XIAP: variants seen among roughly 807,000 people sequenced by gnomAD.
XIAP encodes the protein E3 ubiquitin-protein ligase XIAP.
A neutral mutation model predicts 33.1 loss-of-function variants in XIAP; 3 were observed. The ratio of observed to expected loss-of-function variants is 0.09; its 90% CI spans 0.04 to 0.23. The LOEUF (loss-of-function observed/expected upper bound fraction) is 0.23. XIAP is among the 10% of genes least tolerant of loss of function. The probability of loss-of-function intolerance (pLI) is 1.00; values close to 1 mark genes in which losing one functional copy is unlikely to be tolerated. For synonymous variants in XIAP, 98 were observed against 121.3 expected (o/e 0.81, Z 1.26); for missense variants, 264 against 363.0 (o/e 0.73, Z 2.22).
Position 123,910,237 on chromosome X carries a change from T to C in XIAP, c.*3056T>C, listed in dbSNP as rs762740109. On this transcript the variant is annotated 3_prime_UTR_variant, in exon 7 of 7. Coordinates refer to ENST00000371199, the MANE Select transcript of XIAP (RefSeq NM_001167.4). The stretch of plus-strand genomic sequence containing the variant: ...GCCTTTCCTGCTACATTTGGTTTTT[T>C]CCCCTGTCCCTTTGATTACGGGCTA... The C allele has an allele frequency of 3.0e-6, 1 of 329,800 alleles. No individual in the cohort carries two copies. Among genetic ancestry groups the C allele is most frequent in the South Asian group, 2.6e-5 (1 of 38,474 alleles). 27.2% of individuals were successfully genotyped at this position (329,800 alleles called of 1,213,427 possible). A position where few individuals can be genotyped will look rare whatever the true frequency, so the allele number is the denominator to read the frequency against.
chrX:123,859,966 C>T (rs978079678), upstream of XIAP: 3 of 286,048 alleles, frequency 1.0e-5, no homozygotes, highest in African/African-American at 8.2e-5. Context: ...GGAGGCTGAC[C>T]TCCCGGCCGG....
At position 123,911,350 on chromosome X, in the gene XIAP, G is replaced by T. The variant is rs1402919522; in HGVS notation, c.*4169G>T. ...AAATTAGCTGGGCGTGGTGGCTCAT[G>T]CCTGTAATCCCAGCTACTTGGGAGG... On this transcript the variant is annotated 3_prime_UTR_variant, in exon 7 of 7. Coordinates refer to ENST00000371199, the MANE Select transcript of XIAP (RefSeq NM_001167.4). The T allele has an allele frequency of 7.1e-6, 2 of 283,654 alleles. No individual in the cohort carries two copies. Among genetic ancestry groups the T allele is most frequent in the Non-Finnish European group, 1.3e-5 (2 of 150,814 alleles). The allele number at this position is 283,654 out of a possible 1,213,427, so 23.4% of individuals were successfully genotyped here.
intron 1 of XIAP, among the ~76,000 whole-genome samples, chrX:123,862,856 GAAA>G (rs111374988): frequency 1.0e-5 from 1 of 97,944 alleles, no homozygotes; most frequent in Non-Finnish European, 2.1e-5. Context: ...CCTTTGTCCC[GAAA>G]AAAAAAAAAA....
Position 123,908,790 on chromosome X carries a change from A to C in XIAP, c.*1609A>C, listed in dbSNP as rs771369226. The C allele has an allele frequency of 2.6e-5, 9 of 349,487 alleles. No individual in the cohort carries two copies. Among genetic ancestry groups the C allele is most frequent in the South Asian group, 2.4e-4 (9 of 37,635 alleles). 28.8% of individuals were successfully genotyped at this position (349,487 alleles called of 1,213,427 possible). ...CTTGAATAAGAATCAGTAGGGTATAAACTAGAAGTTTAAAAATGCTTCATA... is the reference window on the plus strand; with the variant it reads ...CTTGAATAAGAATCAGTAGGGTATACACTAGAAGTTTAAAAATGCTTCATA... On this transcript the variant is annotated 3_prime_UTR_variant, in exon 7 of 7. Coordinates refer to ENST00000371199, the MANE Select transcript of XIAP (RefSeq NM_001167.4).
Position 123,909,610 on chromosome X carries a change from G to A in XIAP, c.*2429G>A. 3.0e-6 allele frequency: 1 copy of A among 328,982 alleles called. No individual in the cohort carries two copies. Among genetic ancestry groups the A allele is most frequent in the Non-Finnish European group, 5.9e-6 (1 of 169,962 alleles). 27.1% of individuals were successfully genotyped at this position (328,982 alleles called of 1,213,427 possible). A position where few individuals can be genotyped will look rare whatever the true frequency, so the allele number is the denominator to read the frequency against. ...TCTAGTTGTTAGCCAAGGACTCAAG[G>A]ACTGAATTGTTTTAACATAAGGCTT... On this transcript the variant is annotated 3_prime_UTR_variant, in exon 7 of 7. Transcript: ENST00000371199.
intron 5 of XIAP, among the ~76,000 whole-genome samples, chrX:123,898,872 G>A (rs1464207616): frequency 9.5e-6 from 1 of 104,740 alleles, no homozygotes; most frequent in Non-Finnish European, 1.9e-5. Flanking sequence ...TGTAATCCCA[G>A]CACTTTGGGA....
chrX:123,861,734 T>TGC (rs201987395), intron 1 of XIAP, among the ~76,000 whole-genome samples: 1 of 86,030 alleles, frequency 1.2e-5, no homozygotes, highest in African/African-American at 4.7e-5. Context: ...CAATGGTATG[T>TGC]ACACATTTAT....
At chrX:123,891,823 TAAAAA>T (rs11325824) in intron 4 of XIAP, among the ~76,000 whole-genome samples, 2 of 76,497 alleles carry the variant, frequency 2.6e-5, no homozygotes, top group Non-Finnish European at 4.8e-5. Flanking sequence ...CCCTATCTCT[TAAAAA>T]AAAAAAAAAA....
intron 5 of XIAP, among the ~76,000 whole-genome samples, chrX:123,899,251 A>G (rs1481684646): frequency 1.1e-5 from 1 of 92,216 alleles, no homozygotes; most frequent in Non-Finnish European, 2.1e-5. Flanking sequence ...GTATATATAT[A>G]TGATTTTGTA....
At chrX:123,906,886 T>G in intron 6 of XIAP, 102 bp from the exon 7 acceptor site, 1 of 977,715 alleles carries the variant, frequency 1.0e-6, no homozygotes, top group Non-Finnish European at 1.4e-6. Flanking sequence ...TCCCGGCACT[T>G]GTTGGGTGCT....
Position 123,912,348 on chromosome X carries a change from CAAA to C in XIAP, c.*5178_*5180del, listed in dbSNP as rs60841987. On this transcript the variant is annotated 3_prime_UTR_variant, in exon 7 of 7. Transcript: ENST00000371199. ...TAGCATTAAGGTTGGTGCAAAAATG[CAAA>C]AAAAAAAAAAGCAATTATTTTTAAA... is the stretch of plus-strand genomic sequence containing the variant. 23 of 278,921 alleles carry C rather than the reference CAAA, an allele frequency of 8.2e-5. No individual in the cohort carries two copies. The highest frequency in any genetic ancestry group is 2.3e-4 in the Admixed American group (6 of 25,775). The allele number at this position is 278,921 out of a possible 1,213,427, so 23.0% of individuals were successfully genotyped here. A position where few individuals can be genotyped will look rare whatever the true frequency, so the allele number is the denominator to read the frequency against.
At chrX:123,891,451 CA>C (rs1306511259) in intron 4 of XIAP, 135 bp downstream of exon 4, 1 of 323,062 alleles carries the variant, frequency 3.1e-6, no homozygotes, top group African/African-American at 2.7e-5. Flanking sequence ...TATTATAAAT[CA>C]ATATATGTGT....
intron 1 of XIAP, among the ~76,000 whole-genome samples, chrX:123,864,058 CT>C (rs892487416): frequency 8.3e-4 from 86 of 103,296 alleles, no homozygotes; most frequent in East Asian, 5.7e-3. Flanking sequence ...TTTTGTCTTC[CT>C]TTTTTTTTTC....
At position 123,885,846 on chromosome X, in the gene XIAP, C is replaced by T. The variant is rs147946593; in HGVS notation, c.184C>T (p.Arg62Trp). ...FLYTGEGDTV[R>W]CFSCHAAVDR... ...TTATACTGGTGAAGGAGATACCGTGCGGTGCTTTAGTTGTCATGCAGCTGT... is the reference window on the plus strand; with the variant it reads ...TTATACTGGTGAAGGAGATACCGTGTGGTGCTTTAGTTGTCATGCAGCTGT... Residue 62 changes from arginine to tryptophan, a missense_variant, in exon 2 of 7, where the codon CGG (arginine) becomes TGG (tryptophan). Arg to Trp is a moderately radical substitution (Grantham distance 101). Transcript: ENST00000371199. 1.5e-5 allele frequency: 18 copies of T among 1,210,106 alleles called. No homozygotes were observed. In the African/African-American group the frequency reaches 1.6e-4, roughly 11 times the overall value.
intron 1 of XIAP, among the ~76,000 whole-genome samples, chrX:123,871,068 G>A (rs763850207): frequency 9.0e-5 from 10 of 111,189 alleles, no homozygotes; most frequent in African/African-American, 1.3e-4. Context: ...TCAGCCTACC[G>A]GGTAGCTGGG....
intron 6 of XIAP, among the ~76,000 whole-genome samples, chrX:123,904,427 A>G (rs1188568211): frequency 9.0e-6 from 1 of 110,684 alleles, no homozygotes. Context: ...TGCCTTGAGT[A>G]CGTTTTCTCT....
At chrX:123,894,567 C>G (rs6649116) in intron 5 of XIAP, among the ~76,000 whole-genome samples, 41,632 of 109,740 alleles carry the variant, frequency 0.38, 6,014 homozygotes, top group African/African-American at 0.47. Context: ...TCCAGAGTTC[C>G]AGACCAGCCC....
chrX:123,873,190 G>A (rs770851051), intron 1 of XIAP, among the ~76,000 whole-genome samples: 106 of 109,520 alleles, frequency 9.7e-4, no homozygotes, highest in Non-Finnish European at 1.8e-3. Flanking sequence ...GCGCCAGCAC[G>A]CCCGGCTAAT....
intron 1 of XIAP, among the ~76,000 whole-genome samples, chrX:123,867,296 T>G (rs1372920419): frequency 9.2e-6 from 1 of 108,586 alleles, no homozygotes; most frequent in Non-Finnish European, 1.9e-5. Context: ...CCTGACCTCG[T>G]GATTAGCCCG....
Sources: allele counts gnomAD v4.1 joint callset (sites outside exome capture counted in the v4.1 genomes callset), GRCh38; gene constraint gnomAD v4.1.1; transcripts MANE v1.5; gene names NCBI Gene and HGNC (gene_info 2026-07-23, HGNC 2026-07-21).